The following COL25A1 variants were observed in gnomAD, a reference collection of about 807,000 sequenced individuals.
COL25A1 encodes collagen alpha-1(XXV) chain.
Under a neutral mutation model 128.4 loss-of-function variants are expected in COL25A1, and 103 were observed. The ratio of observed to expected loss-of-function variants is 0.80; its 90% CI spans 0.68 to 0.94. The LOEUF (loss-of-function observed/expected upper bound fraction) is 0.94. Among genes scored for constraint, COL25A1 ranks in the 40% least tolerant of loss-of-function variants. The pLI, the probability that COL25A1 is intolerant of heterozygous loss-of-function variation, is 0.00. For missense variants in COL25A1, 745 were observed against 840.0 expected, an observed-to-expected ratio of 0.89 and a Z score of 1.40; for synonymous variants, 279 against 277.2, an observed-to-expected ratio of 1.01 and a Z score of -0.06.
intron 3 of COL25A1, among the ~76,000 whole-genome samples, chr4:109,285,663 T>C (rs755612866): frequency 2.6e-5 from 4 of 152,226 alleles, no homozygotes; most frequent in Admixed American, 6.5e-5. Context: ...TGCAAGCCCA[T>C]TGTTAAACAC....
chr4:109,164,744 A>G (rs1281841707), intron 3 of COL25A1, among the ~76,000 whole-genome samples: 1 of 152,202 alleles, frequency 6.6e-6, no homozygotes, highest in Non-Finnish European at 1.5e-5. Context: ...TCTATGTTAT[A>G]TGAGAATGTT....
intron 19 of COL25A1, among the ~76,000 whole-genome samples, chr4:108,873,812 C>T (rs952451065): frequency 1.3e-5 from 2 of 151,872 alleles, no homozygotes; most frequent in African/African-American, 2.4e-5. Flanking sequence ...CACATCAGAA[C>T]GGTGTAAGAT....
chr4:108,858,137 G>T (rs1298873774), intron 24 of COL25A1, among the ~76,000 whole-genome samples: 1 of 152,100 alleles, frequency 6.6e-6, no homozygotes, highest in Non-Finnish European at 1.5e-5. Flanking sequence ...CACAGGAAGG[G>T]CATGACTATA....
At chr4:108,870,351 G>A (rs1390540965) in intron 19 of COL25A1, among the ~76,000 whole-genome samples, 1 of 151,810 alleles carries the variant, frequency 6.6e-6, no homozygotes, top group Non-Finnish European at 1.5e-5. Context: ...TGGGTATTGG[G>A]TGGGGAACAA....
chr4:109,136,534 T>A (rs112396739), intron 3 of COL25A1, among the ~76,000 whole-genome samples: 6 of 152,230 alleles, frequency 3.9e-5, no homozygotes, highest in African/African-American at 1.4e-4. Context: ...ACTCAAACTG[T>A]AGTCTGTAGT....
intron 3 of COL25A1, among the ~76,000 whole-genome samples, chr4:109,225,518 C>A (rs538252881): frequency 3.3e-5 from 5 of 152,220 alleles, no homozygotes; most frequent in African/African-American, 4.8e-5. Flanking sequence ...AAAATTAGTA[C>A]CGCCTCTATG....
intron 3 of COL25A1, among the ~76,000 whole-genome samples, chr4:109,149,603 A>G (rs1418950673): frequency 6.6e-6 from 1 of 152,212 alleles, no homozygotes; most frequent in Non-Finnish European, 1.5e-5. Context: ...CTGAGATGCG[A>G]GGTTGCGACA....
chr4:109,047,954 G>A (rs747250588), intron 5 of COL25A1, among the ~76,000 whole-genome samples: 1 of 151,818 alleles, frequency 6.6e-6, no homozygotes, highest in African/African-American at 2.4e-5. Flanking sequence ...GGATGGTCTC[G>A]ATCTCCTGAC....
chr4:108,872,721 C>T (rs1370733286), intron 19 of COL25A1, among the ~76,000 whole-genome samples: 2 of 151,336 alleles, frequency 1.3e-5, no homozygotes, highest in Non-Finnish European at 2.9e-5. Flanking sequence ...TACATATATA[C>T]ACACACACAT....
In COL25A1 at chr4:108,874,365, G is replaced by A. The variant is rs544497844; in HGVS notation, c.1021-5215C>T. 5.6e-4 allele frequency among the ~76,000 whole-genome samples: 86 copies of A among 152,228 alleles called. 1 individual carries two copies. Among genetic ancestry groups the A allele is most frequent in the Middle Eastern group, 3.4e-3 (1 of 294 alleles). ...GTAGTAAATTGAAAATTATCCACAC[G>A]TATTTGTCTGAGTAGACAAAGTGAC... On this transcript the variant is annotated intron_variant, in intron 19 of 37. Coordinates refer to ENST00000399132, the MANE Select transcript of COL25A1 (RefSeq NM_198721.4).
chr4:109,278,483 A>AT (rs1723059695), intron 3 of COL25A1, among the ~76,000 whole-genome samples: 1 of 152,208 alleles, frequency 6.6e-6, no homozygotes, highest in South Asian at 2.1e-4. Flanking sequence ...AGAAAGTTAC[A>AT]TTTGTAGAGC....
At chr4:108,832,838 TAA>T (rs1233295548) in intron 31 of COL25A1, 1 of 158,004 alleles carries the variant, frequency 6.3e-6, no homozygotes, top group Non-Finnish European at 1.4e-5. Context: ...CCGTCTCTAT[TAA>T]AAACACAAAA....
chr4:109,123,587 A>C (rs1009825443), intron 3 of COL25A1, among the ~76,000 whole-genome samples: 3 of 152,112 alleles, frequency 2.0e-5, no homozygotes, highest in Non-Finnish European at 1.5e-5. Flanking sequence ...ACTTCTCCCT[A>C]ACAAAATATG....
At chr4:108,996,705 A>G (rs138747221) in intron 6 of COL25A1, among the ~76,000 whole-genome samples, 1 of 152,316 alleles carries the variant, frequency 6.6e-6, no homozygotes, top group East Asian at 1.9e-4. Context: ...ACTTATTCCA[A>G]AATTAACCAC....
chr4:108,846,046 G>T lies in COL25A1; in HGVS notation c.1515+93C>A, dbSNP rs143755840. 1.3e-3 allele frequency: 1,045 copies of T among 795,640 alleles called. 6 individuals are homozygous for T. The African/African-American group carries it at 0.015, about 11-fold the overall frequency. 49.3% of individuals were successfully genotyped at this position (795,640 alleles called of 1,614,324 possible). On this transcript the variant is annotated intron_variant, in intron 28 of 37. Transcript: ENST00000399132. ...ATGAGATGAACCACTAGATGAGATTGCAGCTAATAATATAACTCTTTTCTG... is the reference window on the plus strand; with the variant it reads ...ATGAGATGAACCACTAGATGAGATTTCAGCTAATAATATAACTCTTTTCTG...
chr4:109,097,176 T>G (rs930850037), intron 3 of COL25A1, among the ~76,000 whole-genome samples: 4 of 152,208 alleles, frequency 2.6e-5, no homozygotes, highest in African/African-American at 9.6e-5. Context: ...TTCAGTTTGA[T>G]TATGTGGCAT....
intron 13 of COL25A1, among the ~76,000 whole-genome samples, chr4:108,913,385 A>G (rs1356469755): frequency 6.6e-6 from 1 of 150,636 alleles, no homozygotes; most frequent in African/African-American, 2.4e-5. Flanking sequence ...CAGCATCCCA[A>G]GTAGCTGGGA....
chr4:109,120,113 T>C (rs75532597), intron 3 of COL25A1, among the ~76,000 whole-genome samples: 4,927 of 152,024 alleles, frequency 0.032, 143 homozygotes, highest in South Asian at 0.13. Context: ...TCTCAGCAAA[T>C]TAATACAGAA....
intron 13 of COL25A1, among the ~76,000 whole-genome samples, chr4:108,903,432 ACT>A (rs1003539036): frequency 1.3e-5 from 2 of 152,014 alleles, no homozygotes; most frequent in Non-Finnish European, 2.9e-5. Flanking sequence ...ATTTGTGAAC[ACT>A]GTCTTGTGAA....
Sources: allele counts gnomAD v4.1 joint callset (sites outside exome capture counted in the v4.1 genomes callset), GRCh38; gene constraint gnomAD v4.1.1; transcripts MANE v1.5; gene names NCBI Gene and HGNC (gene_info 2026-07-23, HGNC 2026-07-21).